REV1: variants seen among roughly 807,000 people sequenced by gnomAD.
REV1 encodes the protein translesion synthesis protein REV1.
Under a neutral mutation model 137.4 loss-of-function variants are expected in REV1, and 42 were observed. That is an observed-to-expected ratio of 0.31 (90% CI 0.24 to 0.40). The LOEUF is 0.40. Among genes scored for constraint, REV1 ranks in the 10% least tolerant of loss-of-function variants. The pLI, the probability that REV1 is intolerant of heterozygous loss-of-function variation, is 1.00. For missense variants in REV1, 1,282 were observed against 1,490.1 expected (o/e 0.86, Z 2.30); for synonymous variants, 524 against 519.2 (o/e 1.01, Z -0.12).
intron 1 of REV1, among the ~76,000 whole-genome samples, chr2:99,480,042 G>A (rs887051185): frequency 3.9e-5 from 6 of 152,088 alleles, no homozygotes; most frequent in Non-Finnish European, 5.9e-5. Context: ...TAAAAGGGCC[G>A]AGTGCAGTGG....
At chr2:99,403,441 A>AT in intron 19 of REV1, 1 of 574,852 alleles carries the variant, frequency 1.7e-6, no homozygotes. Flanking sequence ...TATTTAAGAC[A>AT]TTTGTGGTAA....
chr2:99,436,689 T>C (rs1488012786), intron 6 of REV1: 1 of 152,234 alleles, frequency 6.6e-6, no homozygotes, highest in Non-Finnish European at 1.5e-5. Context: ...ACAAAGAGAT[T>C]CATCAGGGTC....
chr2:99,417,489 G>A (rs1039820546), intron 12 of REV1, among the ~76,000 whole-genome samples: 14 of 152,134 alleles, frequency 9.2e-5, no homozygotes, highest in Admixed American at 1.3e-4. Flanking sequence ...GGGTAATTAA[G>A]ATAAAACAAG....
At chr2:99,489,068 G>A (rs535228914) in intron 1 of REV1, among the ~76,000 whole-genome samples, 1 of 152,324 alleles carries the variant, frequency 6.6e-6, no homozygotes, top group Admixed American at 6.5e-5. Flanking sequence ...ACTGAGAATA[G>A]GTAGGAAGAG....
At chr2:99,423,808 TAAAAG>T (rs1450923281) in intron 10 of REV1, among the ~76,000 whole-genome samples, 4 of 152,062 alleles carry the variant, frequency 2.6e-5, no homozygotes, top group Non-Finnish European at 5.9e-5. Flanking sequence ...TAAAATGAAA[TAAAAG>T]AGAAAAACCA....
intron 9 of REV1, 147 bp downstream of exon 9, chr2:99,429,693 G>A (rs1347258536): frequency 5.9e-6 from 3 of 507,210 alleles, no homozygotes; most frequent in Admixed American, 4.0e-5. Flanking sequence ...GGGGTTGTGG[G>A]GGGCATAGAT....
intron 1 of REV1, among the ~76,000 whole-genome samples, chr2:99,475,698 A>T (rs544023771): frequency 2.0e-5 from 3 of 151,310 alleles, no homozygotes; most frequent in African/African-American, 7.2e-5. Flanking sequence ...AAAAAAAAAT[A>T]AATAGGCCAG....
intron 8 of REV1, among the ~76,000 whole-genome samples, chr2:99,432,468 A>G (rs1680241050): frequency 6.6e-6 from 1 of 152,208 alleles, no homozygotes; most frequent in African/African-American, 2.4e-5. Context: ...GAGGAACAAA[A>G]GCACTGAAAA....
chr2:99,453,980 C>G (rs1179366226), intron 3 of REV1, among the ~76,000 whole-genome samples: 7 of 150,980 alleles, frequency 4.6e-5, no homozygotes, highest in African/African-American at 1.7e-4. Context: ...ATCAATGTCA[C>G]TGTTTTGAAA....
chr2:99,403,871 G>A, intron 18 of REV1, 56 bp from the exon 19 acceptor site: 7 of 1,589,798 alleles, frequency 4.4e-6, no homozygotes, highest in Non-Finnish European at 5.1e-6. Context: ...ATGGTAGCTG[G>A]TTTCTCTTTT....
intron 13 of REV1, 70 bp downstream of exon 13, chr2:99,412,659 TTA>T: frequency 1.8e-6 from 2 of 1,136,592 alleles, no homozygotes; most frequent in Non-Finnish European, 2.7e-6. Context: ...GTCTAATGGT[TTA>T]GTTGTAGAGG....
chr2:99,423,073 CTA>C (rs1678892029), intron 10 of REV1, among the ~76,000 whole-genome samples: 1 of 152,194 alleles, frequency 6.6e-6, no homozygotes, highest in Non-Finnish European at 1.5e-5. Flanking sequence ...AATAGAATAG[CTA>C]TAATAAGTGT....
chr2:99,429,748 A>C, intron 9 of REV1, 92 bp downstream of exon 9: 1 of 748,524 alleles, frequency 1.3e-6, no homozygotes, highest in Non-Finnish European at 2.0e-6. Flanking sequence ...GTAACATTTA[A>C]ATCCACTTCA....
intron 6 of REV1, among the ~76,000 whole-genome samples, chr2:99,437,626 A>T (rs979986479): frequency 6.6e-6 from 1 of 152,234 alleles, no homozygotes; most frequent in African/African-American, 2.4e-5. Context: ...TGCATAAGCC[A>T]GTATCTACCA....
At chr2:99,459,101 G>C (rs191871605) in intron 3 of REV1, among the ~76,000 whole-genome samples, 2 of 151,988 alleles carry the variant, frequency 1.3e-5, no homozygotes, top group South Asian at 4.2e-4. Context: ...CCAGCTACTC[G>C]GGAGGCTGAG....
chr2:99,416,629 TC>T (rs1362619974), intron 12 of REV1, among the ~76,000 whole-genome samples: 2 of 152,102 alleles, frequency 1.3e-5, no homozygotes, highest in African/African-American at 4.8e-5. Flanking sequence ...CACTTGCCCT[TC>T]AAGAAATAAA....
chr2:99,430,736 C>A (rs986713265), intron 8 of REV1, among the ~76,000 whole-genome samples: 44 of 152,166 alleles, frequency 2.9e-4, no homozygotes, highest in Admixed American at 7.2e-4. Flanking sequence ...CTACTGGCTG[C>A]ATGCCACTTT....
chr2:99,422,755 C>T (rs575197044), intron 10 of REV1, among the ~76,000 whole-genome samples: 1 of 152,308 alleles, frequency 6.6e-6, no homozygotes, highest in African/African-American at 2.4e-5. Context: ...CAGCCTTCTA[C>T]TGGGACCGTG....
chr2:99,403,964 A>G, intron 18 of REV1, 149 bp from the exon 19 acceptor site: 1 of 953,476 alleles, frequency 1.0e-6, no homozygotes. Flanking sequence ...AAGCTGATTA[A>G]ATCTTCAAAA....
Sources: gnomAD v4.1 joint callset for allele counts (sites outside exome capture counted in the v4.1 genomes callset) on GRCh38, gnomAD v4.1.1 for gene constraint, MANE v1.5 for transcripts, NCBI Gene and HGNC (gene_info 2026-07-23, HGNC 2026-07-21) for gene names.